Variants in DLG2 observed in about 807,000 individuals in gnomAD.
DLG2 encodes the protein disks large homolog 2.
DLG2 carries 45 observed loss-of-function variants against 132.5 expected under a neutral mutation model. The ratio of observed to expected loss-of-function variants is 0.34; its 90% confidence interval spans 0.27 to 0.44. DLG2 has a LOEUF of 0.44. Among genes scored for constraint, DLG2 ranks in the 20% least tolerant of loss-of-function variants. The pLI is 1.00. For synonymous variants in DLG2, 424 were observed against 419.6 expected (o/e 1.01, Z -0.13); for missense variants, 1,045 against 1,196.9 (o/e 0.87, Z 1.87).
At chr11:85,056,658 A>T (rs2063495241) in intron 6 of DLG2, among the ~76,000 whole-genome samples, 1 of 152,080 alleles carries the variant, frequency 6.6e-6, no homozygotes, top group Admixed American at 6.6e-5. Context: ...AGTGCTGCAA[A>T]TCCCAAGTAG....
At position 85,571,957 on chromosome 11, in the gene DLG2, T is replaced by C. The variant is rs143486781; in HGVS notation, c.40+26700A>G. Among the ~76,000 whole-genome samples, 30 of 152,252 alleles carry C rather than the reference T, an allele frequency of 2.0e-4. No individual in the cohort carries two copies. The East Asian group carries it at 5.6e-3, about 28-fold the overall frequency. On this transcript the variant is annotated intron_variant, in intron 3 of 27. Transcript: ENST00000376104. ...GATATACCCGTAGCAGAAATGCAGG[T>C]TTTATTTCCAGGGGTAATGCTGATC...
At position 83,484,137 on chromosome 11, in the gene DLG2, T is replaced by C; in HGVS notation, c.2285A>G (p.Asp762Gly). Residue 762 changes from aspartate (D) to glycine (G), a missense_variant, in exon 22 of 28, where the codon GAT (aspartate) becomes GGT (glycine). Around this residue, in one of 4 missense-constraint regions of DLG2, gnomAD observed 398 missense variants for 543.6 expected, o/e 0.73. Coordinates refer to ENST00000376104, the MANE Select transcript of DLG2 (RefSeq NM_001142699.3). Reference protein sequence around the residue: ...NKEQSEQETSDPERGQEDLIL... With the variant: ...NKEQSEQETSGPERGQEDLIL... ...TTTCAGAATCTACTTACGTTCAGGA[T>C]CACTGGTTTCCTGCTCACTCTGCTC... 6.2e-7 allele frequency: 1 copy of C among 1,612,722 alleles called. No individual in the cohort carries two copies. The highest frequency in any genetic ancestry group is 8.5e-7 in the Non-Finnish European group (1 of 1,178,994).
At chr11:84,221,718 G>A (rs2096918674) in intron 8 of DLG2, among the ~76,000 whole-genome samples, 1 of 152,050 alleles carries the variant, frequency 6.6e-6, no homozygotes. Context: ...CGTGAATTGG[G>A]AGTTGGGGTT....
chr11:83,749,465 T>C (rs924626705), intron 18 of DLG2, among the ~76,000 whole-genome samples: 8 of 152,146 alleles, frequency 5.3e-5, no homozygotes, highest in Admixed American at 2.0e-4. Context: ...TCAGTTATGA[T>C]CTGTGCCATT....
At chr11:85,242,438 C>T (rs2075932046) in intron 4 of DLG2, among the ~76,000 whole-genome samples, 1 of 151,712 alleles carries the variant, frequency 6.6e-6, no homozygotes, top group Non-Finnish European at 1.5e-5. Context: ...TTTCTTAATT[C>T]TTACTTCTGT....
At chr11:83,899,944 G>A (rs4587748) in intron 15 of DLG2, among the ~76,000 whole-genome samples, 3,891 of 152,282 alleles carry the variant, frequency 0.026, 68 homozygotes, top group Non-Finnish European at 0.039. Context: ...TGGTTGAATG[G>A]CTTTGACAAA....
intron 5 of DLG2, among the ~76,000 whole-genome samples, chr11:85,115,203 G>T (rs2073394898): frequency 6.6e-6 from 1 of 151,742 alleles, no homozygotes. Flanking sequence ...GGTACGTTAG[G>T]TATACATATA....
At chr11:84,098,548 T>A (rs1022978565) in intron 10 of DLG2, among the ~76,000 whole-genome samples, 30 of 152,174 alleles carry the variant, frequency 2.0e-4, no homozygotes, top group African/African-American at 6.0e-4. Context: ...ACATACAATA[T>A]CTACAACGTT....
intron 11 of DLG2, among the ~76,000 whole-genome samples, chr11:84,019,565 C>T (rs989156581): frequency 6.6e-6 from 1 of 152,034 alleles, no homozygotes; most frequent in Non-Finnish European, 1.5e-5. Flanking sequence ...TTCTAATCTC[C>T]AGTATCTGTG....
chr11:84,630,375 C>T (rs1033040864), intron 6 of DLG2, among the ~76,000 whole-genome samples: 2 of 152,118 alleles, frequency 1.3e-5, no homozygotes, highest in African/African-American at 4.8e-5. Context: ...TACTATGACT[C>T]CTCCTTTGAT....
At chr11:83,911,656 A>G (rs2076074136) in intron 15 of DLG2, among the ~76,000 whole-genome samples, 1 of 152,108 alleles carries the variant, frequency 6.6e-6, no homozygotes, top group Admixed American at 6.6e-5. Context: ...TTAGCCTCAT[A>G]ACATTTAATA....
At chr11:83,852,058 C>A (rs568796846) in intron 16 of DLG2, among the ~76,000 whole-genome samples, 13 of 152,262 alleles carry the variant, frequency 8.5e-5, no homozygotes, top group Middle Eastern at 3.4e-3. Flanking sequence ...ACTCCAGAAG[C>A]TAGGAAGAGG....
chr11:83,983,848 C>A (rs2093012954), intron 11 of DLG2, among the ~76,000 whole-genome samples: 1 of 152,018 alleles, frequency 6.6e-6, no homozygotes, highest in Admixed American at 6.6e-5. Context: ...GCTCATGTTT[C>A]CCAAAACTGT....
At chr11:83,880,576 C>A (rs986012016) in intron 15 of DLG2, among the ~76,000 whole-genome samples, 2 of 152,098 alleles carry the variant, frequency 1.3e-5, no homozygotes, top group African/African-American at 4.8e-5. Context: ...GACTTTTAAG[C>A]AAGCCTTCAA....
chr11:84,441,215 T>A (rs2099016486), intron 7 of DLG2, among the ~76,000 whole-genome samples: 1 of 151,968 alleles, frequency 6.6e-6, no homozygotes, highest in South Asian at 2.1e-4. Flanking sequence ...GTTACGATCA[T>A]AGCTCACTGC....
rs372447925 is a variant in DLG2, at chr11:84,809,633, A to C, written c.358-274902T>G. 4.6e-5 allele frequency among the ~76,000 whole-genome samples: 7 copies of C among 152,100 alleles called. No individual in the cohort carries two copies. In the East Asian group the frequency reaches 5.8e-4, roughly 13 times the overall value. On this transcript the variant is annotated intron_variant, in intron 6 of 27. Transcript: ENST00000376104. Reference sequence around the variant, plus strand: ...TTGTGTTTCTACATATTATCAATCAACATGTGGACACCCAAATTAAAAATA... The same window carrying C: ...TTGTGTTTCTACATATTATCAATCACCATGTGGACACCCAAATTAAAAATA...
chr11:84,647,283 TATATAA>T (rs1331004498), intron 6 of DLG2, among the ~76,000 whole-genome samples: 1 of 152,108 alleles, frequency 6.6e-6, no homozygotes, highest in African/African-American at 2.4e-5. Context: ...TGTGTACATA[TATATAA>T]ATAAAGGATG....
At chr11:84,452,067 A>G (rs1432939608) in intron 7 of DLG2, among the ~76,000 whole-genome samples, 2 of 151,484 alleles carry the variant, frequency 1.3e-5, no homozygotes, top group African/African-American at 4.8e-5. Flanking sequence ...TTCATCTTCA[A>G]GTAAAATTGT....
intron 3 of DLG2, among the ~76,000 whole-genome samples, chr11:85,417,634 T>A (rs2089975158): frequency 6.6e-6 from 1 of 152,216 alleles, no homozygotes; most frequent in South Asian, 2.1e-4. Context: ...TTGTTATTGG[T>A]CTATTCAGGG....
Sources: gnomAD v4.1 joint callset for allele counts (sites outside exome capture counted in the v4.1 genomes callset) on GRCh38, gnomAD v4.1.1 for gene constraint, gnomAD v4.1.1 regional missense constraint, MANE v1.5 for transcripts, NCBI Gene and HGNC (gene_info 2026-07-23, HGNC 2026-07-21) for gene names.